Variants in RCBTB1 observed in about 807,000 individuals in gnomAD.
RCBTB1 encodes RCC1 and BTB domain-containing protein 1.
A neutral mutation model predicts 62.4 loss-of-function variants in RCBTB1; 46 were observed. The observed-to-expected ratio is 0.74, with a 90% CI of 0.58 to 0.94. The LOEUF is 0.94. Ranked by LOEUF, RCBTB1 falls within the 40% of genes least tolerant of loss-of-function variation. The pLI is 0.00. For missense variants in RCBTB1, 565 were observed against 654.9 expected, an observed-to-expected ratio of 0.86 and a Z score of 1.50; for synonymous variants, 222 against 245.8, an observed-to-expected ratio of 0.90 and a Z score of 0.91.
chr13:49,549,457 C>T lies in RCBTB1; in HGVS notation c.1045+1G>A. 5 of 1,606,214 alleles carry T rather than the reference C, an allele frequency of 3.1e-6. No homozygotes were observed. Among genetic ancestry groups the T allele is most frequent in the Non-Finnish European group, 4.3e-6 (5 of 1,174,684 alleles). ...GTGGAGGTGGCCCTGCACTTTCTTA[C>T]CCACAGACAGGAGGCGCCACGAGAC... On this transcript the variant is annotated splice_donor_variant, in intron 9 of 12. Transcript: ENST00000378302. LOFTEE classifies it high-confidence loss of function.
chr13:49,534,281 T>C lies in RCBTB1; in HGVS notation c.1456-19A>G. The C allele has an allele frequency of 1.9e-6, 3 of 1,599,070 alleles. No homozygotes were observed. Among genetic ancestry groups the C allele is most frequent in the Non-Finnish European group, 2.6e-6 (3 of 1,172,396 alleles). On this transcript the variant is annotated intron_variant, in intron 12 of 12. Coordinates refer to ENST00000378302, the MANE Select transcript of RCBTB1 (RefSeq NM_018191.4). ...CTAAATCCTGGACACACAACAAAAA[T>C]AAAAACAAAAATGGCTTTTTTAGGC...
intron 1 of RCBTB1, among the ~76,000 whole-genome samples, chr13:49,582,129 A>T (rs572496106): frequency 1.3e-5 from 2 of 152,262 alleles, no homozygotes; most frequent in Non-Finnish European, 2.9e-5. Flanking sequence ...AACATCAAAG[A>T]GGAGAGGATG....
rs367755809 is a variant in RCBTB1, at chr13:49,544,910, T to C, written c.1046-47A>G. 2.1e-4 allele frequency: 317 copies of C among 1,543,768 alleles called. 1 individual carries two copies. The highest frequency in any genetic ancestry group is 1.5e-3 in the Admixed American group (83 of 53,692). ...TAATATGGCAAGTTCAAGGAACAGA[T>C]TGAAGATTCAAAAGACTTCAAAAAG... is the stretch of plus-strand genomic sequence containing the variant. On this transcript the variant is annotated intron_variant, in intron 9 of 12. Coordinates refer to ENST00000378302, the MANE Select transcript of RCBTB1 (RefSeq NM_018191.4).
At chr13:49,569,291 A>G (rs562283017) in intron 2 of RCBTB1, among the ~76,000 whole-genome samples, 3 of 152,210 alleles carry the variant, frequency 2.0e-5, no homozygotes, top group Non-Finnish European at 4.4e-5. Context: ...TTAAAAATAA[A>G]GGCTGGGCGC....
At chr13:49,545,964 GAC>G in intron 9 of RCBTB1, 1 of 367,018 alleles carries the variant, frequency 2.7e-6, no homozygotes, top group Non-Finnish European at 3.8e-6. Context: ...GACCTTAACT[GAC>G]AGCCCTCCCT....
Position 49,553,943 on chromosome 13 carries a change from TCAC to T in RCBTB1, c.603+1569_603+1571del, listed in dbSNP as rs781013421. On this transcript the variant is annotated intron_variant, in intron 6 of 12. Coordinates refer to ENST00000378302, the MANE Select transcript of RCBTB1 (RefSeq NM_018191.4). ...CACATACACAGAGTAACATAGAAAA[TCAC>T]CACAACTCTGTCTATAACAGCAAAA... Among the ~76,000 whole-genome samples, 13 of 152,276 alleles carry T rather than the reference TCAC, an allele frequency of 8.5e-5. No individual in the cohort carries two copies. The East Asian group carries it at 1.7e-3, about 20-fold the overall frequency.
chr13:49,572,317 A>T (rs1963454372), intron 2 of RCBTB1, among the ~76,000 whole-genome samples: 1 of 148,616 alleles, frequency 6.7e-6, no homozygotes, highest in Non-Finnish European at 1.5e-5. Context: ...ACAGAGCGAG[A>T]CTCTGTCTCA....
intron 12 of RCBTB1, 98 bp from the exon 13 acceptor site, chr13:49,534,360 C>A: frequency 4.0e-6 from 5 of 1,256,630 alleles, no homozygotes; most frequent in Non-Finnish European, 3.3e-6. Context: ...CTCTCACCCT[C>A]CCCCAGAAAA....
intron 2 of RCBTB1, among the ~76,000 whole-genome samples, chr13:49,570,918 G>C (rs867269004): frequency 1.8e-4 from 28 of 152,316 alleles, no homozygotes; most frequent in Admixed American, 1.0e-3. Flanking sequence ...TTTTCTTATG[G>C]AGAATATCAG....
At chr13:49,543,067 G>T (rs779258513) in intron 10 of RCBTB1, among the ~76,000 whole-genome samples, 22 of 152,068 alleles carry the variant, frequency 1.4e-4, no homozygotes, top group Non-Finnish European at 2.6e-4. Flanking sequence ...GTTTGAGACC[G>T]GCCTGGCCAA....
At chr13:49,574,330 G>A (rs145769772) in intron 2 of RCBTB1, among the ~76,000 whole-genome samples, 2,069 of 151,706 alleles carry the variant, frequency 0.014, 45 homozygotes, top group African/African-American at 0.046. Flanking sequence ...TGTTAGCCAG[G>A]CTGGTCTCAA....
At chr13:49,559,516 T>C (rs960499929) in intron 5 of RCBTB1, among the ~76,000 whole-genome samples, 26 of 150,816 alleles carry the variant, frequency 1.7e-4, no homozygotes, top group African/African-American at 4.6e-4. Flanking sequence ...ATTAGGCGGG[T>C]GTGGTGGTGG....
At chr13:49,554,900 T>C (rs749118583) in intron 6 of RCBTB1, among the ~76,000 whole-genome samples, 8 of 152,096 alleles carry the variant, frequency 5.3e-5, no homozygotes, top group Non-Finnish European at 8.8e-5. Flanking sequence ...CAGGGTAATA[T>C]CTTTGTATAA....
At chr13:49,569,223 G>A (rs949840585) in intron 2 of RCBTB1, among the ~76,000 whole-genome samples, 20 of 152,016 alleles carry the variant, frequency 1.3e-4, no homozygotes, top group African/African-American at 4.6e-4. Context: ...TCTTTTTCTT[G>A]TTCTTGATTT....
At chr13:49,562,034 C>T (rs550729666) in intron 4 of RCBTB1, among the ~76,000 whole-genome samples, 3 of 150,228 alleles carry the variant, frequency 2.0e-5, no homozygotes, top group South Asian at 4.2e-4. Flanking sequence ...ACCCAGGAGG[C>T]GGAGGTTGCA....
intron 12 of RCBTB1, among the ~76,000 whole-genome samples, chr13:49,535,823 G>A (rs772948654): frequency 7.2e-5 from 11 of 152,198 alleles, no homozygotes; most frequent in Non-Finnish European, 1.0e-4. Flanking sequence ...AGGAGTTTGA[G>A]ACCAGCTTGA....
chr13:49,540,776 T>C (rs926808412), intron 12 of RCBTB1, 100 bp downstream of exon 12: 2 of 1,284,462 alleles, frequency 1.6e-6, no homozygotes, highest in African/African-American at 3.0e-5. Flanking sequence ...TAAACAGAAG[T>C]GGAGTGACTC....
At chr13:49,565,457 C>T (rs1163717484) in intron 4 of RCBTB1, among the ~76,000 whole-genome samples, 21 of 151,504 alleles carry the variant, frequency 1.4e-4, no homozygotes, top group African/African-American at 5.1e-4. Context: ...AAGTGAGGAG[C>T]GTCTCTGCCT....
chr13:49,567,681 G>C (rs1302720217), intron 2 of RCBTB1, among the ~76,000 whole-genome samples: 1 of 152,074 alleles, frequency 6.6e-6, no homozygotes, highest in Non-Finnish European at 1.5e-5. Flanking sequence ...AGCACACACA[G>C]AGGGCGCCTG....
Sources: allele counts gnomAD v4.1 joint callset (sites outside exome capture counted in the v4.1 genomes callset), GRCh38; gene constraint gnomAD v4.1.1; transcripts MANE v1.5; gene names NCBI Gene and HGNC (gene_info 2026-07-23, HGNC 2026-07-21).